The following CLDN12 variants were observed in gnomAD, a reference collection of about 807,000 sequenced individuals.
The protein encoded by CLDN12 is claudin 12.
CLDN12 carries 9 observed loss-of-function variants against 15.5 expected under a neutral mutation model. That is an observed-to-expected ratio of 0.58 (90% CI 0.35 to 1.02). The LOEUF (loss-of-function observed/expected upper bound fraction) is 1.02, where lower values mean the gene tolerates loss of function less well. Among genes scored for constraint, CLDN12 ranks in the 50% least tolerant of loss-of-function variants. CLDN12 has a pLI of 0.02. For synonymous variants in CLDN12, 140 were observed against 121.6 expected (o/e 1.15, Z -1.00); for missense variants, 233 against 297.3 (o/e 0.78, Z 1.59).
chr7:90,406,771 A>G (rs1584663867), intron 2 of CLDN12, among the ~76,000 whole-genome samples: 1 of 152,176 alleles, frequency 6.6e-6, no homozygotes, highest in African/African-American at 2.4e-5. Flanking sequence ...GGATGGAAAC[A>G]ACAAACCACT....
At chr7:90,406,808 G>A (rs1373094100) in intron 2 of CLDN12, among the ~76,000 whole-genome samples, 1 of 152,116 alleles carries the variant, frequency 6.6e-6, no homozygotes, top group Non-Finnish European at 1.5e-5. Flanking sequence ...CTAGCTCAAA[G>A]CTCTCATCCA....
At chr7:90,410,995 C>CAA (rs910342840) in intron 2 of CLDN12, among the ~76,000 whole-genome samples, 2 of 142,330 alleles carry the variant, frequency 1.4e-5, no homozygotes, top group African/African-American at 5.2e-5. Flanking sequence ...AGACTTGTTT[C>CAA]AAAAAAAAAA....
intron 3 of CLDN12, 182 bp from the exon 4 acceptor site, chr7:90,412,462 T>C (rs1796985932): frequency 1.8e-6 from 1 of 541,896 alleles, no homozygotes; most frequent in African/African-American, 1.9e-5. Flanking sequence ...GCACCTGTGC[T>C]CTGAGGTCAC....
At chr7:90,407,629 A>G (rs1214066684) in intron 2 of CLDN12, among the ~76,000 whole-genome samples, 1 of 152,228 alleles carries the variant, frequency 6.6e-6, no homozygotes, top group Non-Finnish European at 1.5e-5. Flanking sequence ...CTGATGGGAA[A>G]GAAAACTACA....
At chr7:90,407,150 G>A (rs549598668) in intron 2 of CLDN12, among the ~76,000 whole-genome samples, 3 of 152,006 alleles carry the variant, frequency 2.0e-5, no homozygotes, top group African/African-American at 4.8e-5. Flanking sequence ...CACCCACCTC[G>A]GCCTCCCAAA....
Position 90,413,228 on chromosome 7 carries a change from C to A in CLDN12, c.552C>A (p.Gly184=), listed in dbSNP as rs574014370. ...AVYVTIASAG[G]LFMTSLILFI... is the part of the protein sequence containing the mutation. ...ATGTCACTATTGCTAGTGCTGGGGGCCTGTTTATGACTTCCCTTATACTAT... is the reference window on the plus strand; with the variant it reads ...ATGTCACTATTGCTAGTGCTGGGGGACTGTTTATGACTTCCCTTATACTAT... The change falls in exon 4 of 4, where the codon GGC becomes GGA. Residue 184 remains glycine, a synonymous_variant. Coordinates refer to ENST00000496677, the MANE Select transcript of CLDN12 (RefSeq NM_001185072.3). 9 of 1,614,120 alleles carry A rather than the reference C, an allele frequency of 5.6e-6. No individual in the cohort carries two copies. The East Asian group carries it at 6.7e-5, about 12-fold the overall frequency.
intron 2 of CLDN12, among the ~76,000 whole-genome samples, chr7:90,408,648 A>C (rs1253822437): frequency 1.3e-5 from 2 of 152,226 alleles, no homozygotes; most frequent in African/African-American, 4.8e-5. Context: ...AATTTAGCTT[A>C]AGAATTAAGG....
chr7:90,415,576 A>G lies in CLDN12; in HGVS notation c.*2165A>G, dbSNP rs755973015. ...TCACTAGACAAACAGCTGTTTCCTT[A>G]TTGTCTTTTTTCTTTAGTGTTTCTG... On this transcript the variant is annotated 3_prime_UTR_variant, in exon 4 of 4. Transcript: ENST00000496677. The G allele has an allele frequency of 6.0e-6, 1 of 166,700 alleles. No homozygotes were observed. The highest frequency in any genetic ancestry group is 1.5e-5 in the Non-Finnish European group (1 of 68,082). 10.3% of individuals were successfully genotyped at this position (166,700 alleles called of 1,614,324 possible). A position where few individuals can be genotyped will look rare whatever the true frequency, so the allele number is the denominator to read the frequency against.
chr7:90,409,007 C>T (rs1463433570), intron 2 of CLDN12: 2 of 151,914 alleles, frequency 1.3e-5, no homozygotes, highest in Admixed American at 1.3e-4. Flanking sequence ...AGCTATCCTC[C>T]CACCGCAGCC....
At chr7:90,412,581 C>T in intron 3 of CLDN12, 63 bp from the exon 4 acceptor site, 4 of 1,368,144 alleles carry the variant, frequency 2.9e-6, no homozygotes, top group Non-Finnish European at 4.0e-6. Context: ...GTTGGCACCA[C>T]CCTTCCTGCT....
chr7:90,411,156 T>C (rs1369179808), intron 2 of CLDN12, among the ~76,000 whole-genome samples: 2 of 152,238 alleles, frequency 1.3e-5, no homozygotes, highest in Non-Finnish European at 2.9e-5. Context: ...CATAATTGTC[T>C]TTCTGATCCT....
At chr7:90,412,354 A>C (rs1562969260) in intron 3 of CLDN12, 1 of 297,188 alleles carries the variant, frequency 3.4e-6, no homozygotes, top group East Asian at 6.1e-5. Context: ...AAGAGACTTT[A>C]ACATTATCTT....
rs1182972744 is a variant in CLDN12 at position 90,413,093 on chromosome 7, A to G, written c.417A>G (p.Leu139=). ...SAGCHLVAGL[L]FFLAGTVSLS... ...GTTGCCACCTGGTGGCTGGGCTGCT[A>G]TTTTTCCTGGCAGGTACTGTGAGCC... Residue 139 remains leucine (L), a synonymous_variant, in exon 4 of 4, where the codon CTA becomes CTG. Coordinates refer to ENST00000496677, the MANE Select transcript of CLDN12 (RefSeq NM_001185072.3). 6.8e-6 allele frequency: 11 copies of G among 1,613,850 alleles called. No homozygotes were observed. The highest frequency in any genetic ancestry group is 4.0e-5 in the African/African-American group (3 of 74,808).
chr7:90,411,079 A>G (rs773586035), intron 2 of CLDN12, among the ~76,000 whole-genome samples: 2 of 152,180 alleles, frequency 1.3e-5, no homozygotes, highest in Non-Finnish European at 2.9e-5. Context: ...TTTCTAAAGA[A>G]CATTGTGCCC....
chr7:90,412,931 C>G lies in CLDN12; in HGVS notation c.255C>G (p.Val85=). ...YSSVDQLDLR[V]LQFALPLSML... is the part of the protein sequence containing the mutation. ...CAGTTGACCAGCTGGACCTGCGTGT[C>G]CTCCAGTTTGCCCTACCCCTCAGCA... Residue 85 remains valine, a synonymous_variant, in exon 4 of 4, where the codon GTC becomes GTG. Transcript: ENST00000496677. 1 of 1,614,186 alleles carries G rather than the reference C, an allele frequency of 6.2e-7. No homozygotes were observed. The highest frequency in any genetic ancestry group is 1.1e-5 in the South Asian group (1 of 91,078).
chr7:90,404,161 C>T (rs1310113482), intron 1 of CLDN12, among the ~76,000 whole-genome samples: 1 of 151,774 alleles, frequency 6.6e-6, no homozygotes, highest in African/African-American at 2.4e-5. Flanking sequence ...ACTTGGTGAC[C>T]TCACTTAAAA....
rs1231028407 is a variant in CLDN12, at chr7:90,413,912, A to G, written c.*501A>G. On this transcript the variant is annotated 3_prime_UTR_variant, in exon 4 of 4. Coordinates refer to ENST00000496677, the MANE Select transcript of CLDN12 (RefSeq NM_001185072.3). ...TAACTCTTCTATCGGGGCTAATTGT[A>G]TGAATAGGTGTCAGTATGTTGAAGA... is the stretch of plus-strand genomic sequence containing the variant. The G allele has an allele frequency of 4.0e-6, 4 of 998,274 alleles. No individual in the cohort carries two copies. Among genetic ancestry groups the G allele is most frequent in the Non-Finnish European group, 4.8e-6 (4 of 828,698 alleles). 61.8% of individuals were successfully genotyped at this position (998,274 alleles called of 1,614,324 possible). A position where few individuals can be genotyped will look rare whatever the true frequency, so the allele number is the denominator to read the frequency against.
intron 3 of CLDN12, 94 bp downstream of exon 3, chr7:90,412,143 C>T (rs918776048): frequency 1.3e-5 from 2 of 156,946 alleles, no homozygotes; most frequent in African/African-American, 4.8e-5. Flanking sequence ...TGTACTGCTT[C>T]TTTCCCTACA....
At chr7:90,410,009 G>A (rs28947517) in intron 2 of CLDN12, among the ~76,000 whole-genome samples, 2 of 152,188 alleles carry the variant, frequency 1.3e-5, no homozygotes, top group East Asian at 3.9e-4. Flanking sequence ...GCCCACCTTT[G>A]TGAGTTACTG....
Sources: allele counts gnomAD v4.1 joint callset (sites outside exome capture counted in the v4.1 genomes callset), GRCh38; gene constraint gnomAD v4.1.1; transcripts MANE v1.5; gene names NCBI Gene and HGNC (gene_info 2026-07-23, HGNC 2026-07-21).